The following FNBP4 variants were observed in gnomAD, a reference collection of about 807,000 sequenced individuals.
The protein encoded by FNBP4 is formin-binding protein 4.
FNBP4 carries 34 observed loss-of-function variants against 119.3 expected under a neutral mutation model. That is an observed-to-expected ratio of 0.28 (90% CI 0.22 to 0.38). The LOEUF is 0.38. Ranked by LOEUF, FNBP4 falls within the 10% of genes least tolerant of loss-of-function variation. The probability of loss-of-function intolerance (pLI) is 1.00; values close to 1 mark genes in which losing one functional copy is unlikely to be tolerated. For missense variants in FNBP4, 1,112 were observed against 1,228.9 expected, an observed-to-expected ratio of 0.90 and a Z score of 1.42; for synonymous variants, 462 against 430.6, an observed-to-expected ratio of 1.07 and a Z score of -0.90.
Position 47,751,173 on chromosome 11 carries a change from T to C in FNBP4, c.755A>G (p.Gln252Arg). The change falls in exon 5 of 17, where the codon CAG becomes CGG. Residue 252 changes from glutamine (Q) to arginine (R), a missense_variant. By Grantham distance (43) the Gln-to-Arg change is conservative. This residue lies in a region of FNBP4 where 826 missense variants were observed against 988.8 expected (regional missense o/e 0.84). Coordinates refer to ENST00000263773, the MANE Select transcript of FNBP4 (RefSeq NM_015308.5). ...CTGGTAATGCTGTAATCCCTGTACCTGTGTGGCAAGATATTGGGGTAACTC... is the reference window on the plus strand; with the variant it reads ...CTGGTAATGCTGTAATCCCTGTACCCGTGTGGCAAGATATTGGGGTAACTC... The part of the protein sequence containing the change: ...TWELPQYLAT[Q>R]VQGLQHYQPS... The C allele has an allele frequency of 6.2e-7, 1 of 1,614,188 alleles. No individual in the cohort carries two copies. The highest frequency in any genetic ancestry group is 8.5e-7 in the Non-Finnish European group (1 of 1,180,034).
chr11:47,742,750 C>A (rs368728675), intron 8 of FNBP4, among the ~76,000 whole-genome samples: 1 of 151,534 alleles, frequency 6.6e-6, no homozygotes, highest in Admixed American at 6.6e-5. Flanking sequence ...ATTAGCTGGG[C>A]GTGGTGACGG....
rs1456342246 is a variant in FNBP4, at chr11:47,717,370, G to C, written c.*52C>G. ...TGACAATAAAACTGGTTAAGACTTT[G>C]AACTGAACACAAAACAAACAATAAT... On this transcript the variant is annotated 3_prime_UTR_variant, in exon 17 of 17. Transcript: ENST00000263773. The C allele has an allele frequency of 4.8e-6, 6 of 1,250,284 alleles. No homozygotes were observed. Among genetic ancestry groups the C allele is most frequent in the Non-Finnish European group, 5.8e-6 (5 of 869,462 alleles). The allele number at this position is 1,250,284 out of a possible 1,614,324, so 77.4% of individuals were successfully genotyped here.
chr11:47,740,060 A>C (rs1040864391), intron 8 of FNBP4, among the ~76,000 whole-genome samples: 3 of 151,950 alleles, frequency 2.0e-5, no homozygotes, highest in Admixed American at 2.0e-4. Flanking sequence ...TCGGTCTCCC[A>C]AAGTGCTTGG....
At chr11:47,720,516 C>A (rs1031483941) in intron 15 of FNBP4, among the ~76,000 whole-genome samples, 8 of 151,812 alleles carry the variant, frequency 5.3e-5, no homozygotes, top group Admixed American at 5.3e-4. Context: ...TGCAGTGAGC[C>A]GAGATCACCA....
intron 8 of FNBP4, among the ~76,000 whole-genome samples, chr11:47,736,962 T>A (rs1011215348): frequency 1.3e-5 from 2 of 152,180 alleles, no homozygotes; most frequent in African/African-American, 2.4e-5. Flanking sequence ...TCCCACCACT[T>A]TGGCATTTGG....
chr11:47,743,844 G>C, intron 8 of FNBP4, 109 bp downstream of exon 8: 1 of 963,536 alleles, frequency 1.0e-6, no homozygotes, highest in East Asian at 2.5e-5. Context: ...TTCTCCCAAA[G>C]AGTAAAAGTA....
chr11:47,740,988 A>C (rs1218189951), intron 8 of FNBP4, among the ~76,000 whole-genome samples: 3 of 150,000 alleles, frequency 2.0e-5, no homozygotes, highest in Non-Finnish European at 4.4e-5. Flanking sequence ...TCCCCAGTTC[A>C]AGAGATTCTC....
chr11:47,747,565 C>T (rs529446385), intron 6 of FNBP4, among the ~76,000 whole-genome samples: 6 of 152,262 alleles, frequency 3.9e-5, no homozygotes, highest in East Asian at 1.9e-4. Context: ...CCTCAGCCTC[C>T]GAAAGTGCTG....
chr11:47,723,694 A>G lies in FNBP4; in HGVS notation c.2464+334T>C, dbSNP rs186336470. The stretch of plus-strand genomic sequence containing the variant: ...ATCCTCCCACCTCAGTCTCCTGAGT[A>G]GCCGGGACTACAGGTGCAGACTACC... On this transcript the variant is annotated intron_variant, in intron 14 of 16. Coordinates refer to ENST00000263773, the MANE Select transcript of FNBP4 (RefSeq NM_015308.5). Among the ~76,000 whole-genome samples the G allele has an allele frequency of 4.9e-4, 75 of 152,190 alleles. 1 individual carries two copies. The highest frequency in any genetic ancestry group is 1.6e-3 in the African/African-American group (68 of 41,544).
rs985397077 is a variant in FNBP4, at chr11:47,725,082, C to T, written c.2009-304G>A. 1.9e-4 allele frequency: 43 copies of T among 225,804 alleles called. 1 individual carries two copies. Among genetic ancestry groups the T allele is most frequent in the Non-Finnish European group, 1.0e-4 (12 of 116,368 alleles). The allele number at this position is 225,804 out of a possible 1,614,324, so 14.0% of individuals were successfully genotyped here. A position where few individuals can be genotyped will look rare whatever the true frequency, so the allele number is the denominator to read the frequency against. ...CTTCCCCATCTGTATTATACTTGTC[C>T]TTCGGGTCCATATTTATGGATGAGT... On this transcript the variant is annotated intron_variant, in intron 12 of 16. Transcript: ENST00000263773.
chr11:47,744,873 G>A (rs1001224045), intron 7 of FNBP4, among the ~76,000 whole-genome samples: 1 of 152,204 alleles, frequency 6.6e-6, no homozygotes, highest in East Asian at 1.9e-4. Context: ...TCTGAGTAAT[G>A]TCAAGTCTCT....
intron 2 of FNBP4, among the ~76,000 whole-genome samples, chr11:47,756,945 T>C (rs1400529064): frequency 6.6e-6 from 1 of 152,210 alleles, no homozygotes; most frequent in African/African-American, 2.4e-5. Flanking sequence ...AGTCTATCAT[T>C]GATGGACATT....
chr11:47,734,115 T>C lies in FNBP4; in HGVS notation c.1596A>G (p.Glu532=), dbSNP rs200849402. The C allele has an allele frequency of 2.3e-4, 369 of 1,579,350 alleles. 4 individuals are homozygous for C. Among genetic ancestry groups the C allele is most frequent in the Middle Eastern group, 1.7e-4 (1 of 5,896 alleles). ...EEQDLKFQIG[E]LANTLTSKFE... ...ATTTACTTGTCAGGGTATTTGCCAG[T>C]TCTCCAATCTGAAACTACAATGCAA... Residue 532 remains glutamate, a synonymous_variant, in exon 10 of 17, where the codon GAA becomes GAG. Coordinates refer to ENST00000263773, the MANE Select transcript of FNBP4 (RefSeq NM_015308.5).
At position 47,740,141 on chromosome 11, in the gene FNBP4, G is replaced by A. The variant is rs149354937; in HGVS notation, c.1457-3401C>T. Among the ~76,000 whole-genome samples the A allele has an allele frequency of 2.3e-4, 35 of 151,930 alleles. No individual in the cohort carries two copies. In the East Asian group the frequency reaches 4.3e-3, roughly 19 times the overall value. On this transcript the variant is annotated intron_variant, in intron 8 of 16. Coordinates refer to ENST00000263773, the MANE Select transcript of FNBP4 (RefSeq NM_015308.5). ...AAAAATTCAAGTAAATTGGTCAGGC[G>A]CAGTGTCTCACGCCTGTAATCCAAG...
chr11:47,750,217 A>G (rs1475251531), intron 6 of FNBP4, among the ~76,000 whole-genome samples: 1 of 151,712 alleles, frequency 6.6e-6, no homozygotes, highest in African/African-American at 2.4e-5. Flanking sequence ...TGCCTCTAAT[A>G]AAAATACAAA....
chr11:47,743,245 T>C lies in FNBP4; in HGVS notation c.1456+708A>G, dbSNP rs537189142. On this transcript the variant is annotated intron_variant, in intron 8 of 16. Coordinates refer to ENST00000263773, the MANE Select transcript of FNBP4 (RefSeq NM_015308.5). ...GGCTCACGCCTGTAATCCCAGCACT[T>C]TGGGAGGCGGGCGGATCAACTGAGA... Among the ~76,000 whole-genome samples the C allele has an allele frequency of 1.5e-3, 229 of 152,206 alleles. 1 individual carries two copies. Among genetic ancestry groups the C allele is most frequent in the African/African-American group, 5.2e-3 (216 of 41,550 alleles).
chr11:47,750,688 CAAAAAAAAAAAAAAAAAAAAA>C (rs67153479), intron 6 of FNBP4, among the ~76,000 whole-genome samples: 2 of 68,064 alleles, frequency 2.9e-5, no homozygotes, highest in Admixed American at 2.4e-4. Flanking sequence ...GACTCTGTCT[CAAAAAAAAAAAAAAAAAAAAA>C]AAAAAAAAGA....
rs775357709 is a variant in FNBP4, at chr11:47,734,113, A to C, written c.1598T>G (p.Leu533Arg). The C allele has an allele frequency of 5.1e-6, 8 of 1,580,762 alleles. No homozygotes were observed. Among genetic ancestry groups the C allele is most frequent in the Non-Finnish European group, 6.0e-6 (7 of 1,170,838 alleles). The stretch of plus-strand genomic sequence containing the variant: ...GAATTTACTTGTCAGGGTATTTGCC[A>C]GTTCTCCAATCTGAAACTACAATGC... ...EQDLKFQIGE[L>R]ANTLTSKFEF... The change falls in exon 10 of 17, where the codon CTG (leucine) becomes CGG (arginine). Residue 533 changes from leucine to arginine, a missense_variant. By Grantham distance (102) the Leu-to-Arg change is moderately radical (BLOSUM62 -2). Around this residue, in one of 2 missense-constraint regions of FNBP4, gnomAD observed 826 missense variants for 988.8 expected, o/e 0.84. Transcript: ENST00000263773.
At chr11:47,743,496 A>G (rs1401752092) in intron 8 of FNBP4, among the ~76,000 whole-genome samples, 1 of 151,546 alleles carries the variant, frequency 6.6e-6, no homozygotes, top group African/African-American at 2.4e-5. Context: ...AAAGGAAAAG[A>G]AAAAAAAATA....
Sources: allele counts gnomAD v4.1 joint callset (sites outside exome capture counted in the v4.1 genomes callset), GRCh38; gene constraint gnomAD v4.1.1; regional missense constraint gnomAD v4.1.1; transcripts MANE v1.5; gene names NCBI Gene and HGNC (gene_info 2026-07-23, HGNC 2026-07-21).